PC: variants seen among roughly 807,000 people sequenced by gnomAD.
PC encodes the protein pyruvate carboxylase, mitochondrial.
In PC, 46 loss-of-function variants were observed where a neutral mutation model predicts 107.8. The ratio of observed to expected loss-of-function variants is 0.43; its 90% CI spans 0.34 to 0.55. The LOEUF is 0.55. Among genes scored for constraint, PC ranks in the 20% least tolerant of loss-of-function variants. The pLI, the probability that PC is intolerant of heterozygous loss-of-function variation, is 0.04. For synonymous variants in PC, 662 were observed against 684.7 expected (o/e 0.97, Z 0.52); for missense variants, 1,241 against 1,643.1 (o/e 0.76, Z 4.23).
chr11:66,898,838 A>T (rs1181273980), intron 3 of PC, among the ~76,000 whole-genome samples: 2 of 151,994 alleles, frequency 1.3e-5, no homozygotes, highest in African/African-American at 4.8e-5. Flanking sequence ...ATCTACTCTC[A>T]GTCTCTATGG....
chr11:66,953,061 T>C (rs1949477099), intron 2 of PC, among the ~76,000 whole-genome samples: 1 of 152,236 alleles, frequency 6.6e-6, no homozygotes, highest in African/African-American at 2.4e-5. Flanking sequence ...CGCACAGCAG[T>C]GGCACCATGC....
chr11:66,953,403 G>A (rs1949483299), intron 2 of PC, among the ~76,000 whole-genome samples: 1 of 152,124 alleles, frequency 6.6e-6, no homozygotes, highest in Non-Finnish European at 1.5e-5. Flanking sequence ...ATCCTTTCCT[G>A]CAGAGACCCC....
chr11:66,861,481 G>C (rs1204008558), intron 12 of PC, among the ~76,000 whole-genome samples: 1 of 152,254 alleles, frequency 6.6e-6, no homozygotes, highest in African/African-American at 2.4e-5. Flanking sequence ...GTGTTCACGT[G>C]TGCATGGACC....
chr11:66,851,982 A>C (rs537916890), intron 15 of PC, 36 bp from the exon 16 acceptor site: 10 of 1,609,920 alleles, frequency 6.2e-6, no homozygotes, highest in Non-Finnish European at 8.5e-6. Flanking sequence ...TCAGCTCTGC[A>C]TGCCTGGGGA....
chr11:66,905,198 T>C (rs1007697094), intron 3 of PC, among the ~76,000 whole-genome samples: 2 of 152,136 alleles, frequency 1.3e-5, no homozygotes, highest in Non-Finnish European at 2.9e-5. Context: ...AACAAACACA[T>C]AGTGTGTGCA....
chr11:66,856,714 C>G (rs1945857668), intron 12 of PC: 1 of 152,392 alleles, frequency 6.6e-6, no homozygotes, highest in African/African-American at 2.4e-5. Context: ...GTGACAAAGA[C>G]GCCCGTCTCC....
intron 3 of PC, among the ~76,000 whole-genome samples, chr11:66,920,152 C>A (rs1948559845): frequency 6.6e-6 from 1 of 152,054 alleles, no homozygotes; most frequent in Admixed American, 6.5e-5. Flanking sequence ...TGCTGTGGCA[C>A]AGAGGAGGGG....
At chr11:66,874,412 G>A (rs934421114) in intron 3 of PC, among the ~76,000 whole-genome samples, 7 of 152,152 alleles carry the variant, frequency 4.6e-5, no homozygotes, top group Non-Finnish European at 7.4e-5. Context: ...CTTAGAAAAC[G>A]TTTAAAACAC....
At chr11:66,856,980 T>A (rs2135851822) in intron 12 of PC, 1 of 146,406 alleles carries the variant, frequency 6.8e-6, no homozygotes, top group East Asian at 2.0e-4. Flanking sequence ...CCCCGTGACC[T>A]CAGGAGCCGG....
At chr11:66,885,314 C>T (rs1371340497) in intron 3 of PC, among the ~76,000 whole-genome samples, 1 of 151,954 alleles carries the variant, frequency 6.6e-6, no homozygotes, top group African/African-American at 2.4e-5. Flanking sequence ...CAAGGCGAAA[C>T]CCATCTCTAC....
At position 66,852,601 on chromosome 11, in the gene PC, G is replaced by C. The variant is rs766242199; in HGVS notation, c.1663C>G (p.Arg555Gly). ...LLREGPEGFA[R>G]AVRNHPGLLL... is the part of the protein sequence containing the mutation. ...AGCCCCGGGTGGTTCCGCACAGCTC[G>C]AGCAAAGCCCTCAGGCCCCTCTCGC... Residue 555 changes from arginine to glycine, a missense_variant, in exon 15 of 23, where the codon CGA (arginine) becomes GGA (glycine). Arg to Gly is a moderately radical substitution (Grantham distance 125). Transcript: ENST00000393960. The surrounding 1 kb of genome is among the most constrained non-coding windows in gnomAD (Gnocchi z 4.7). The C allele has an allele frequency of 1.2e-6, 2 of 1,614,014 alleles. No individual in the cohort carries two copies. The highest frequency in any genetic ancestry group is 1.7e-6 in the Non-Finnish European group (2 of 1,180,014).
Position 66,936,452 on chromosome 11 carries a change from C to G in PC, c.-1+15978G>C, listed in dbSNP as rs117339497. ...TGATGGTTAATGGGCAGGGGAGAGG[C>G]CACCAATATTGTTATTGGCAATTGC... On this transcript the variant is annotated intron_variant, in intron 3 of 22. Coordinates refer to ENST00000393960, the MANE Select transcript of PC (RefSeq NM_001040716.2). Among the ~76,000 whole-genome samples, 961 of 152,188 alleles carry G rather than the reference C, an allele frequency of 6.3e-3. 9 individuals are homozygous for G. Among genetic ancestry groups the G allele is most frequent in the Non-Finnish European group, 9.4e-3 (640 of 68,006 alleles).
intron 1 of PC, chr11:66,957,872 C>T (rs1949605744): frequency 1.3e-5 from 2 of 152,298 alleles, no homozygotes; most frequent in African/African-American, 4.8e-5. Context: ...GCCTTACACG[C>T]CGCGGCTTCC....
At chr11:66,885,310 G>A (rs939601415) in intron 3 of PC, among the ~76,000 whole-genome samples, 7 of 152,064 alleles carry the variant, frequency 4.6e-5, no homozygotes, top group African/African-American at 9.7e-5. Context: ...CCAACAAGGC[G>A]AAACCCATCT....
chr11:66,848,880 C>G lies in PC; in HGVS notation c.*19G>C. On this transcript the variant is annotated 3_prime_UTR_variant, in exon 23 of 23. Coordinates refer to ENST00000393960, the MANE Select transcript of PC (RefSeq NM_001040716.2). ...TGTTGAAGGCTTGGGGATGGCCAGGCTGCCGGTCTGGGGCAAGATCACTCG... is the reference window on the plus strand; with the variant it reads ...TGTTGAAGGCTTGGGGATGGCCAGGGTGCCGGTCTGGGGCAAGATCACTCG... 6.2e-7 allele frequency: 1 copy of G among 1,613,456 alleles called. No individual in the cohort carries two copies.
intron 3 of PC, among the ~76,000 whole-genome samples, chr11:66,913,107 C>G (rs112703430): frequency 4.6e-5 from 7 of 152,230 alleles, no homozygotes; most frequent in African/African-American, 1.7e-4. Context: ...GTTAGAACGG[C>G]AGCAGCAGTA....
At chr11:66,914,394 G>A (rs754494378) in intron 3 of PC, among the ~76,000 whole-genome samples, 1 of 151,820 alleles carries the variant, frequency 6.6e-6, no homozygotes, top group Non-Finnish European at 1.5e-5. Context: ...CACCTGTAAT[G>A]CCAGCTACTA....
chr11:66,909,846 G>A (rs547038383), intron 3 of PC, among the ~76,000 whole-genome samples: 1 of 152,250 alleles, frequency 6.6e-6, no homozygotes, highest in East Asian at 1.9e-4. Flanking sequence ...AGAGAGTGGT[G>A]TGGCCAGGAC....
intron 3 of PC, among the ~76,000 whole-genome samples, chr11:66,923,640 A>G (rs1215385334): frequency 6.6e-6 from 1 of 151,838 alleles, no homozygotes; most frequent in East Asian, 2.0e-4. Context: ...CAGTCACCCA[A>G]GTAGCTGGGA....
Sources: allele counts gnomAD v4.1 joint callset (sites outside exome capture counted in the v4.1 genomes callset), GRCh38; gene constraint gnomAD v4.1.1; non-coding constraint Gnocchi (gnomAD v3.1); transcripts MANE v1.5; gene names NCBI Gene and HGNC (gene_info 2026-07-23, HGNC 2026-07-21).